Variants in RUNDC3B observed in about 807,000 individuals in gnomAD.
RUNDC3B encodes the protein RUN domain-containing protein 3B.
RUNDC3B carries 33 observed loss-of-function variants against 58.4 expected under a neutral mutation model. The observed-to-expected ratio is 0.56, with a 90% CI of 0.43 to 0.75. The LOEUF is 0.75. Ranked by LOEUF, RUNDC3B falls within the 30% of genes least tolerant of loss-of-function variation. The pLI, the probability that RUNDC3B is intolerant of heterozygous loss-of-function variation, is 0.00. For missense variants in RUNDC3B, 501 were observed against 535.7 expected, an observed-to-expected ratio of 0.94 and a Z score of 0.64; for synonymous variants, 193 against 195.2, an observed-to-expected ratio of 0.99 and a Z score of 0.10.
chr7:87,739,684 A>C, intron 4 of RUNDC3B, 107 bp from the exon 5 acceptor site: 1 of 444,204 alleles, frequency 2.3e-6, no homozygotes, highest in South Asian at 6.0e-5. Context: ...ATACAAATTA[A>C]ATAAAATTTA....
At chr7:87,752,419 T>C (rs568500078) in intron 6 of RUNDC3B, among the ~76,000 whole-genome samples, 1 of 152,316 alleles carries the variant, frequency 6.6e-6, no homozygotes, top group Non-Finnish European at 1.5e-5. Context: ...TCCCTCTTTT[T>C]CTATTGATTG....
chr7:87,742,361 A>G (rs1832376194), intron 6 of RUNDC3B, among the ~76,000 whole-genome samples: 1 of 151,552 alleles, frequency 6.6e-6, no homozygotes. Flanking sequence ...ACCCCCTCCC[A>G]CTCTTCCCCA....
At chr7:87,666,261 T>C (rs1361820354) in intron 2 of RUNDC3B, among the ~76,000 whole-genome samples, 4 of 152,140 alleles carry the variant, frequency 2.6e-5, no homozygotes, top group African/African-American at 9.6e-5. Context: ...TTTCTTTTCA[T>C]ATGCTTGTGG....
At chr7:87,747,162 G>C (rs1049201819) in intron 6 of RUNDC3B, among the ~76,000 whole-genome samples, 4 of 152,176 alleles carry the variant, frequency 2.6e-5, no homozygotes, top group Admixed American at 2.0e-4. Flanking sequence ...GTCCCACGGG[G>C]TGTTCCCTTG....
chr7:87,736,429 T>C (rs1319936924), intron 4 of RUNDC3B, among the ~76,000 whole-genome samples: 1 of 152,146 alleles, frequency 6.6e-6, no homozygotes, highest in Non-Finnish European at 1.5e-5. Flanking sequence ...TATAGGAATA[T>C]ATTTCAATTA....
At chr7:87,732,149 C>A (rs1324172559) in intron 4 of RUNDC3B, among the ~76,000 whole-genome samples, 2 of 151,878 alleles carry the variant, frequency 1.3e-5, no homozygotes, top group East Asian at 1.9e-4. Flanking sequence ...AAATAATATT[C>A]TCTCAAATAA....
chr7:87,634,691 T>C (rs1357499030), intron 1 of RUNDC3B, among the ~76,000 whole-genome samples: 4 of 152,124 alleles, frequency 2.6e-5, no homozygotes, highest in African/African-American at 9.7e-5. Flanking sequence ...TACTATTTGG[T>C]TGAATATGCT....
At chr7:87,805,986 T>A (rs1836415857) in intron 8 of RUNDC3B, among the ~76,000 whole-genome samples, 1 of 152,228 alleles carries the variant, frequency 6.6e-6, no homozygotes, top group Admixed American at 6.5e-5. Context: ...CTTTACTGTT[T>A]TCATTTTTGA....
At chr7:87,739,422 C>T (rs1183541927) in intron 4 of RUNDC3B, among the ~76,000 whole-genome samples, 3 of 151,994 alleles carry the variant, frequency 2.0e-5, no homozygotes, top group Admixed American at 6.5e-5. Flanking sequence ...TAGGTAAATA[C>T]AGATGACTCT....
chr7:87,728,800 A>G (rs1831400430), intron 4 of RUNDC3B, among the ~76,000 whole-genome samples: 1 of 152,140 alleles, frequency 6.6e-6, no homozygotes, highest in Non-Finnish European at 1.5e-5. Context: ...TTTCTACCTA[A>G]AAAATTGGTA....
chr7:87,636,657 C>A (rs1821805685), intron 1 of RUNDC3B, among the ~76,000 whole-genome samples: 1 of 152,092 alleles, frequency 6.6e-6, no homozygotes, highest in Non-Finnish European at 1.5e-5. Flanking sequence ...ATTCTTTTTT[C>A]TTCTAAAGCT....
chr7:87,708,492 A>G, intron 3 of RUNDC3B, among the ~76,000 whole-genome samples: 1 of 152,306 alleles, frequency 6.6e-6, no homozygotes, highest in Non-Finnish European at 1.5e-5. Context: ...AAAGAAATGT[A>G]ATCTATAGTT....
At chr7:87,739,926 A>G (rs1554480891) in intron 5 of RUNDC3B, 46 bp downstream of exon 5, 5 of 886,520 alleles carry the variant, frequency 5.6e-6, no homozygotes, top group South Asian at 1.9e-5. Flanking sequence ...CTATATCTTA[A>G]TAGTTTCTAC....
intron 4 of RUNDC3B, among the ~76,000 whole-genome samples, chr7:87,729,339 A>G (rs578228372): frequency 2.0e-5 from 3 of 152,338 alleles, no homozygotes; most frequent in Non-Finnish European, 4.4e-5. Context: ...GAAGAGGGAA[A>G]GACAATCTTG....
intron 2 of RUNDC3B, among the ~76,000 whole-genome samples, chr7:87,686,383 A>C (rs1827459207): frequency 6.6e-6 from 1 of 152,200 alleles, no homozygotes. Flanking sequence ...ACAAAGGAGT[A>C]TATCTGTTTT....
At chr7:87,679,722 A>T (rs1585082268) in intron 2 of RUNDC3B, among the ~76,000 whole-genome samples, 1 of 150,176 alleles carries the variant, frequency 6.7e-6, no homozygotes, top group Non-Finnish European at 1.5e-5. Context: ...TTTATAAAAT[A>T]CTCCTCAGTG....
chr7:87,678,365 T>C (rs1293766817), intron 2 of RUNDC3B, among the ~76,000 whole-genome samples: 2 of 152,224 alleles, frequency 1.3e-5, no homozygotes, highest in Admixed American at 6.5e-5. Context: ...AAGGGAACTA[T>C]GTGGTTATAT....
At chr7:87,713,143 A>ACT (rs1333063514) in intron 4 of RUNDC3B, 1 of 152,182 alleles carries the variant, frequency 6.6e-6, no homozygotes, top group African/African-American at 2.4e-5. Context: ...ACAATTAGAA[A>ACT]GAGTATTTGT....
intron 4 of RUNDC3B, among the ~76,000 whole-genome samples, chr7:87,727,167 G>A (rs1216036954): frequency 3.3e-5 from 5 of 152,154 alleles, no homozygotes; most frequent in Non-Finnish European, 5.9e-5. Context: ...TCTTGTGCCA[G>A]TTTTCAAAGG....
Sources: gnomAD v4.1 joint callset for allele counts (sites outside exome capture counted in the v4.1 genomes callset) on GRCh38, gnomAD v4.1.1 for gene constraint, MANE v1.5 for transcripts, NCBI Gene and HGNC (gene_info 2026-07-23, HGNC 2026-07-21) for gene names.